WHRN: variants seen among roughly 807,000 people sequenced by gnomAD.
WHRN encodes CASK-interacting protein CIP98.
Under a neutral mutation model 68.3 loss-of-function variants are expected in WHRN, and 41 were observed. The observed-to-expected ratio is 0.60, with a 90% CI of 0.47 to 0.78. The LOEUF (loss-of-function observed/expected upper bound fraction) is 0.78. Among genes scored for constraint, WHRN ranks in the 30% least tolerant of loss-of-function variants. WHRN has a pLI of 0.00. For missense variants in WHRN, 1,243 were observed against 1,244.7 expected (o/e 1.00, Z 0.02); for synonymous variants, 560 against 561.3 (o/e 1.00, Z 0.03).
chr9:114,423,328 C>G lies in WHRN; in HGVS notation c.1612G>C (p.Val538Leu), dbSNP rs781298298. Residue 538 changes from valine to leucine, a missense_variant, in exon 7 of 12, where the codon GTC becomes CTC. By Grantham distance (32) the Val-to-Leu change is conservative. Coordinates refer to ENST00000362057, the MANE Select transcript of WHRN (RefSeq NM_015404.4). ...STGSHGTSTT[V>L]SSARNTLDLE... ...AAGAAGCTCACCCTGGCCGAGCTGACGGTGGTGGAGGTGCCGTGGCTGCCT... is the reference window on the plus strand; with the variant it reads ...AAGAAGCTCACCCTGGCCGAGCTGAGGGTGGTGGAGGTGCCGTGGCTGCCT... 1.2e-6 allele frequency: 2 copies of G among 1,613,940 alleles called. No homozygotes were observed. Among genetic ancestry groups the G allele is most frequent in the Admixed American group, 1.7e-5 (1 of 60,018 alleles).
chr9:114,402,949 G>T lies in WHRN; in HGVS notation c.2542-13C>A. On this transcript the variant is annotated splice_polypyrimidine_tract_variant and intron_variant, in intron 11 of 11. Coordinates refer to ENST00000362057, the MANE Select transcript of WHRN (RefSeq NM_015404.4). ...CTGAGCCGCCTCTCTGCAGGGAGGA[G>T]ACACAGGGCATGGGGTGCCCAAGGG... 6.2e-7 allele frequency: 1 copy of T among 1,605,012 alleles called. No individual in the cohort carries two copies. The highest frequency in any genetic ancestry group is 8.5e-7 in the Non-Finnish European group (1 of 1,176,098).
chr9:114,443,734 G>A (rs1170223762), intron 3 of WHRN, among the ~76,000 whole-genome samples: 1 of 152,174 alleles, frequency 6.6e-6, no homozygotes, highest in East Asian at 1.9e-4. Context: ...AAAACATGGT[G>A]GGCATTCATG....
At position 114,424,356 on chromosome 9, in the gene WHRN, T is replaced by C. The variant is rs1836605845; in HGVS notation, c.1394A>G (p.Lys465Arg). ...SVEALVMALF[K>R]LLNTHAKFSL... ...CACCTTGGCGTGGGTGTTGAGCAGC[T>C]TGAACAGGGCCATGACGAGGGCCTC... is the stretch of plus-strand genomic sequence containing the variant. Residue 465 changes from lysine to arginine, a missense_variant, in exon 6 of 12, where the codon AAG becomes AGG. Coordinates refer to ENST00000362057, the MANE Select transcript of WHRN (RefSeq NM_015404.4). The C allele has an allele frequency of 1.2e-6, 2 of 1,612,294 alleles. No individual in the cohort carries two copies. The highest frequency in any genetic ancestry group is 2.2e-5 in the East Asian group (1 of 44,882).
rs144648111 is a variant in WHRN, at chr9:114,437,468, A to G, written c.964-11055T>C. Among the ~76,000 whole-genome samples the G allele has an allele frequency of 6.9e-3, 1,051 of 152,342 alleles. 7 individuals carry two copies. Among genetic ancestry groups the G allele is most frequent in the Non-Finnish European group, 9.8e-3 (670 of 68,034 alleles). ...AAGTCAAAAGAAAATGACAACCAGCATGTTATGGGCTGAATGTTTGTGTCC... is the reference window on the plus strand; with the variant it reads ...AAGTCAAAAGAAAATGACAACCAGCGTGTTATGGGCTGAATGTTTGTGTCC... On this transcript the variant is annotated intron_variant, in intron 3 of 11. Transcript: ENST00000362057.
intron 1 of WHRN, among the ~76,000 whole-genome samples, chr9:114,488,052 C>A (rs10982245): frequency 5.3e-5 from 8 of 152,160 alleles, no homozygotes; most frequent in Non-Finnish European, 7.3e-5. Flanking sequence ...TCTTAGGGTG[C>A]GAACTCCCTC....
At chr9:114,423,896 G>C (rs745767161) in intron 6 of WHRN, among the ~76,000 whole-genome samples, 7 of 152,130 alleles carry the variant, frequency 4.6e-5, no homozygotes, top group Non-Finnish European at 7.4e-5. Flanking sequence ...CCTCCCAGTG[G>C]ATTTCACCAC....
chr9:114,449,205 T>C (rs1347981723), intron 3 of WHRN, among the ~76,000 whole-genome samples: 1 of 152,212 alleles, frequency 6.6e-6, no homozygotes, highest in East Asian at 1.9e-4. Flanking sequence ...TGACCACATG[T>C]AAAGCCAGAA....
At chr9:114,467,263 A>G (rs987813152) in intron 2 of WHRN, among the ~76,000 whole-genome samples, 4 of 152,062 alleles carry the variant, frequency 2.6e-5, no homozygotes. Flanking sequence ...CATAGGGTGC[A>G]CCCACTAAAT....
At chr9:114,442,234 A>T (rs1207386341) in intron 3 of WHRN, among the ~76,000 whole-genome samples, 1 of 152,222 alleles carries the variant, frequency 6.6e-6, no homozygotes, top group African/African-American at 2.4e-5. Flanking sequence ...AGCAGAAAGA[A>T]TTGCTACAAG....
intron 1 of WHRN, among the ~76,000 whole-genome samples, chr9:114,481,823 G>A (rs1429335318): frequency 1.3e-5 from 2 of 152,092 alleles, no homozygotes; most frequent in East Asian, 3.9e-4. Flanking sequence ...GAAACAAGGA[G>A]GCATCACCCA....
intron 2 of WHRN, among the ~76,000 whole-genome samples, chr9:114,469,987 C>T (rs1407125173): frequency 6.6e-6 from 1 of 152,206 alleles, no homozygotes; most frequent in African/African-American, 2.4e-5. Flanking sequence ...GTCTCCCTTT[C>T]TCTGACCTCC....
intron 2 of WHRN, among the ~76,000 whole-genome samples, chr9:114,467,383 A>G (rs1297787212): frequency 6.6e-6 from 1 of 152,084 alleles, no homozygotes; most frequent in Non-Finnish European, 1.5e-5. Context: ...CAGTGTGAGC[A>G]GCGCGTGACA....
intron 2 of WHRN, among the ~76,000 whole-genome samples, chr9:114,472,535 C>T (rs966932555): frequency 6.6e-6 from 1 of 152,164 alleles, no homozygotes; most frequent in Non-Finnish European, 1.5e-5. Flanking sequence ...GCACACACCA[C>T]CCTCCCATGC....
intron 1 of WHRN, among the ~76,000 whole-genome samples, chr9:114,492,510 T>G (rs961024607): frequency 6.6e-6 from 1 of 152,188 alleles, no homozygotes; most frequent in Non-Finnish European, 1.5e-5. Context: ...GTGTAACGAA[T>G]AGGCTAGATA....
chr9:114,473,295 G>A (rs1431228674), intron 2 of WHRN, among the ~76,000 whole-genome samples: 3 of 152,232 alleles, frequency 2.0e-5, no homozygotes, highest in Admixed American at 6.5e-5. Flanking sequence ...GCAGATTCCA[G>A]ATGCTGACCA....
chr9:114,436,007 T>C (rs949354475), intron 3 of WHRN, among the ~76,000 whole-genome samples: 11 of 152,260 alleles, frequency 7.2e-5, no homozygotes, highest in African/African-American at 2.6e-4. Flanking sequence ...TTTAACATTA[T>C]CCCAACAAAA....
chr9:114,426,619 T>C (rs1836889013), intron 3 of WHRN, among the ~76,000 whole-genome samples: 1 of 152,198 alleles, frequency 6.6e-6, no homozygotes, highest in South Asian at 2.1e-4. Flanking sequence ...TCCATGCTCT[T>C]GTCATCAAAA....
chr9:114,413,710 C>A (rs1835619742), intron 7 of WHRN, among the ~76,000 whole-genome samples: 1 of 152,206 alleles, frequency 6.6e-6, no homozygotes, highest in African/African-American at 2.4e-5. Context: ...ACAACCTCAA[C>A]ACTGGGCCAG....
At chr9:114,418,976 C>CAT (rs1338974342) in intron 7 of WHRN, among the ~76,000 whole-genome samples, 5 of 152,176 alleles carry the variant, frequency 3.3e-5, no homozygotes, top group African/African-American at 1.2e-4. Context: ...TCAAAATGTA[C>CAT]ATAGCACACA....
Sources: gnomAD v4.1 joint callset for allele counts (sites outside exome capture counted in the v4.1 genomes callset) on GRCh38, gnomAD v4.1.1 for gene constraint, MANE v1.5 for transcripts, NCBI Gene and HGNC (gene_info 2026-07-23, HGNC 2026-07-21) for gene names.